Variants in GPC6 observed in about 807,000 individuals in gnomAD.
GPC6 encodes the protein glypican-6.
A neutral mutation model predicts 55.2 loss-of-function variants in GPC6; 14 were observed. The ratio of observed to expected loss-of-function variants is 0.25; its 90% CI spans 0.17 to 0.40. The LOEUF (loss-of-function observed/expected upper bound fraction) is 0.40. Ranked by LOEUF, GPC6 falls within the 10% of genes least tolerant of loss-of-function variation. The pLI is 1.00. For synonymous variants in GPC6, 278 were observed against 259.6 expected (o/e 1.07, Z -0.68); for missense variants, 641 against 708.5 (o/e 0.90, Z 1.08).
intron 6 of GPC6, among the ~76,000 whole-genome samples, chr13:94,326,706 C>G (rs1370882262): frequency 6.6e-6 from 1 of 152,218 alleles, no homozygotes; most frequent in Non-Finnish European, 1.5e-5. Flanking sequence ...CTATGGCCTA[C>G]ATGTTGTCAC....
At chr13:93,914,704 G>A (rs964043178) in intron 3 of GPC6, among the ~76,000 whole-genome samples, 3 of 152,196 alleles carry the variant, frequency 2.0e-5, no homozygotes, top group African/African-American at 7.2e-5. Context: ...AGCAGGAAGA[G>A]TAGAGTTGGC....
At chr13:94,027,971 GA>G in intron 4 of GPC6, 77 bp downstream of exon 4, 1 of 1,287,298 alleles carries the variant, frequency 7.8e-7, no homozygotes, top group East Asian at 2.3e-5. Flanking sequence ...GGGTGGGTCA[GA>G]AGTTATAAGA....
At chr13:93,913,391 G>A (rs1393431495) in intron 3 of GPC6, among the ~76,000 whole-genome samples, 4 of 152,298 alleles carry the variant, frequency 2.6e-5, no homozygotes, top group Middle Eastern at 3.4e-3. Flanking sequence ...AAGGATGTTG[G>A]TGGTCACTTC....
chr13:94,044,050 A>G (rs918474588), intron 4 of GPC6, among the ~76,000 whole-genome samples: 3 of 151,632 alleles, frequency 2.0e-5, no homozygotes, highest in East Asian at 1.9e-4. Context: ...TGTAGTTCTA[A>G]GTCTCAAAAC....
chr13:93,358,571 C>G (rs1358279190), intron 1 of GPC6, among the ~76,000 whole-genome samples: 1 of 152,112 alleles, frequency 6.6e-6, no homozygotes, highest in Non-Finnish European at 1.5e-5. Flanking sequence ...ACTCTAAAGC[C>G]TACATTGAAA....
chr13:93,862,633 G>C (rs1888852012), intron 3 of GPC6, among the ~76,000 whole-genome samples: 1 of 151,590 alleles, frequency 6.6e-6, no homozygotes, highest in Non-Finnish European at 1.5e-5. Flanking sequence ...ATATAAGAAA[G>C]TAGCTCTAAA....
At chr13:94,083,204 T>A (rs577424211) in intron 4 of GPC6, among the ~76,000 whole-genome samples, 1 of 152,120 alleles carries the variant, frequency 6.6e-6, no homozygotes, top group Non-Finnish European at 1.5e-5. Flanking sequence ...CTGCAAGCTC[T>A]GCCTCCCTGG....
intron 3 of GPC6, among the ~76,000 whole-genome samples, chr13:93,861,581 C>T (rs1888815587): frequency 6.6e-6 from 1 of 151,602 alleles, no homozygotes; most frequent in African/African-American, 2.4e-5. Flanking sequence ...TTATTTTAAG[C>T]CCATTTCTGG....
At chr13:94,300,551 A>G (rs1311508828) in intron 5 of GPC6, among the ~76,000 whole-genome samples, 1 of 152,206 alleles carries the variant, frequency 6.6e-6, no homozygotes, top group Non-Finnish European at 1.5e-5. Context: ...ACATTATCTT[A>G]GTAATCCTCT....
At chr13:93,263,114 A>T (rs1877206968) in intron 1 of GPC6, among the ~76,000 whole-genome samples, 1 of 152,164 alleles carries the variant, frequency 6.6e-6, no homozygotes, top group African/African-American at 2.4e-5. Context: ...GGGAACTGTC[A>T]TGGCACTGGT....
At chr13:94,355,308 CCACGGCGCCCG>C (rs1878742668) in intron 6 of GPC6, among the ~76,000 whole-genome samples, 2 of 151,976 alleles carry the variant, frequency 1.3e-5, no homozygotes, top group Non-Finnish European at 2.9e-5. Context: ...CAGGGGTGAG[CCACGGCGCCCG>C]GCCGTGGCTC....
intron 4 of GPC6, among the ~76,000 whole-genome samples, chr13:94,221,973 A>G (rs1357481854): frequency 2.0e-5 from 3 of 151,778 alleles, no homozygotes; most frequent in Non-Finnish European, 4.4e-5. Context: ...AGAACTTCCT[A>G]GTTCTTGACC....
At chr13:93,434,356 C>A (rs530868642) in intron 1 of GPC6, among the ~76,000 whole-genome samples, 1 of 152,252 alleles carries the variant, frequency 6.6e-6, no homozygotes, top group African/African-American at 2.4e-5. Context: ...CAGATGATAA[C>A]ACATCCAAAA....
intron 2 of GPC6, among the ~76,000 whole-genome samples, chr13:93,593,572 C>T (rs1877585048): frequency 6.6e-6 from 1 of 152,072 alleles, no homozygotes; most frequent in South Asian, 2.1e-4. Flanking sequence ...GATAAAAGTG[C>T]ATGTGTATTG....
Position 93,446,221 on chromosome 13 carries a change from A to G in GPC6, c.161-99042A>G, listed in dbSNP as rs550501394. ...TTGTAGCTAGTTTGGAATGCATTCC[A>G]TCCTAGCTCCTGCAAGCTCCTTTCA... On this transcript the variant is annotated intron_variant, in intron 1 of 8. Transcript: ENST00000377047. Among the ~76,000 whole-genome samples the G allele has an allele frequency of 7.9e-5, 12 of 152,298 alleles. No individual in the cohort carries two copies. The South Asian group carries it at 2.5e-3, about 32-fold the overall frequency.
intron 1 of GPC6, among the ~76,000 whole-genome samples, chr13:93,511,535 G>A (rs1462909433): frequency 1.3e-5 from 2 of 151,844 alleles, no homozygotes; most frequent in East Asian, 3.9e-4. Flanking sequence ...ATTGGTCTGT[G>A]TATCTACTTT....
At chr13:93,598,208 C>T (rs77195973) in intron 2 of GPC6, among the ~76,000 whole-genome samples, 2,930 of 152,220 alleles carry the variant, frequency 0.019, 91 homozygotes, top group African/African-American at 0.067. Flanking sequence ...AAGTGGTTGG[C>T]ATCTCTAACC....
chr13:94,383,688 T>C (rs976177818), intron 7 of GPC6, among the ~76,000 whole-genome samples: 3 of 152,250 alleles, frequency 2.0e-5, no homozygotes, highest in Non-Finnish European at 2.9e-5. Flanking sequence ...TTTCTTACCC[T>C]GCTGAGTTGC....
At chr13:93,320,732 A>G (rs1879410467) in intron 1 of GPC6, among the ~76,000 whole-genome samples, 1 of 152,120 alleles carries the variant, frequency 6.6e-6, no homozygotes, top group Admixed American at 6.6e-5. Context: ...GTAGTATAGC[A>G]GTAAATTGAT....
Sources: gnomAD v4.1 joint callset for allele counts (sites outside exome capture counted in the v4.1 genomes callset) on GRCh38, gnomAD v4.1.1 for gene constraint, MANE v1.5 for transcripts, NCBI Gene and HGNC (gene_info 2026-07-23, HGNC 2026-07-21) for gene names.